PIK3C2G: variants seen among roughly 807,000 people sequenced by gnomAD.
PIK3C2G encodes the protein phosphatidylinositol-4-phosphate 3-kinase catalytic subunit type 2 gamma.
Under a neutral mutation model 181.1 loss-of-function variants are expected in PIK3C2G, and 168 were observed. The ratio of observed to expected loss-of-function variants is 0.93; its 90% CI spans 0.82 to 1.05. The LOEUF is 1.05. Ranked by LOEUF, PIK3C2G falls within the 50% of genes least tolerant of loss-of-function variation. PIK3C2G has a pLI of 0.00. For missense variants in PIK3C2G, 1,869 were observed against 1,732.8 expected, an observed-to-expected ratio of 1.08 and a Z score of -1.40; for synonymous variants, 573 against 592.2, an observed-to-expected ratio of 0.97 and a Z score of 0.47.
At chr12:18,452,725 A>T (rs555351816) in intron 18 of PIK3C2G, among the ~76,000 whole-genome samples, 1 of 152,226 alleles carries the variant, frequency 6.6e-6, no homozygotes, top group Non-Finnish European at 1.5e-5. Context: ...TTCCCTCTAA[A>T]CACTGCTTTA....
intron 32 of PIK3C2G, among the ~76,000 whole-genome samples, chr12:18,642,668 A>T: frequency 6.6e-6 from 1 of 152,188 alleles, no homozygotes; most frequent in Non-Finnish European, 1.5e-5. Flanking sequence ...TTTTTCTTCT[A>T]GTATATCATA....
At chr12:18,480,637 A>G (rs1939467233) in intron 18 of PIK3C2G, among the ~76,000 whole-genome samples, 1 of 152,170 alleles carries the variant, frequency 6.6e-6, no homozygotes, top group Admixed American at 6.5e-5. Flanking sequence ...CAAGTTTGCC[A>G]TTGCCATGAC....
intron 8 of PIK3C2G, among the ~76,000 whole-genome samples, chr12:18,327,409 GA>G (rs1197094073): frequency 6.6e-6 from 1 of 151,766 alleles, no homozygotes; most frequent in Non-Finnish European, 1.5e-5. Context: ...CACATGATTT[GA>G]AAAAACAACA....
At chr12:18,405,015 G>GA (rs1460626010) in intron 16 of PIK3C2G, among the ~76,000 whole-genome samples, 1 of 152,132 alleles carries the variant, frequency 6.6e-6, no homozygotes, top group Non-Finnish European at 1.5e-5. Flanking sequence ...TCAGAGGAAA[G>GA]TAAAAAAGAG....
At chr12:18,273,810 T>C (rs562270921) in intron 1 of PIK3C2G, among the ~76,000 whole-genome samples, 2 of 152,126 alleles carry the variant, frequency 1.3e-5, no homozygotes, top group Non-Finnish European at 2.9e-5. Context: ...AAATGGGATC[T>C]AATTAAACTA....
chr12:18,559,797 T>C (rs1185357031), intron 26 of PIK3C2G, among the ~76,000 whole-genome samples: 6 of 49,702 alleles, frequency 1.2e-4, no homozygotes, highest in African/African-American at 3.6e-4. Context: ...TATATATATA[T>C]ATATATATAT....
At position 18,282,831 on chromosome 12, in the gene PIK3C2G, G is replaced by C. The variant is rs535095134; in HGVS notation, c.678+72G>C. On this transcript the variant is annotated intron_variant, in intron 2 of 32. Transcript: ENST00000538779. ...ATTCAATAATGTATTGGGTTAATTT[G>C]GTAATGAAGATAACTAAACTTAAAT... The C allele has an allele frequency of 5.9e-5, 63 of 1,065,752 alleles. No individual in the cohort carries two copies. In the African/African-American group the frequency reaches 9.2e-4, roughly 16 times the overall value. 66.0% of individuals were successfully genotyped at this position (1,065,752 alleles called of 1,614,324 possible).
At chr12:18,543,278 C>G (rs535403165) in intron 25 of PIK3C2G, among the ~76,000 whole-genome samples, 1 of 151,580 alleles carries the variant, frequency 6.6e-6, no homozygotes, top group Non-Finnish European at 1.5e-5. Flanking sequence ...TTCTTATAGA[C>G]GCTGGGTATT....
chr12:18,551,436 C>G (rs2136291455), intron 26 of PIK3C2G, among the ~76,000 whole-genome samples: 1 of 152,170 alleles, frequency 6.6e-6, no homozygotes, highest in Non-Finnish European at 1.5e-5. Flanking sequence ...TCCCTGCCTA[C>G]CTCCCCTCCC....
intron 24 of PIK3C2G, among the ~76,000 whole-genome samples, chr12:18,511,994 T>G (rs10770368): frequency 0.63 from 95,173 of 151,776 alleles, 30,491 homozygotes; most frequent in East Asian, 0.93. Flanking sequence ...TTTTTTGTGG[T>G]TGATGTAAGC....
chr12:18,303,156 T>TTTC (rs1950271685), intron 5 of PIK3C2G, among the ~76,000 whole-genome samples: 1 of 129,104 alleles, frequency 7.7e-6, no homozygotes, highest in African/African-American at 2.9e-5. Flanking sequence ...TTCTTTCTTC[T>TTTC]TTCTCTTTCT....
At chr12:18,664,109 A>G in the PIK3C2G span, among the ~76,000 whole-genome samples, 27 of 152,208 alleles carry the variant, frequency 1.8e-4, no homozygotes, top group African/African-American at 6.5e-4. Flanking sequence ...AAACAAAGAC[A>G]CACCAGAAAA....
chr12:18,427,325 G>A (rs997276158), intron 18 of PIK3C2G, among the ~76,000 whole-genome samples: 3 of 151,378 alleles, frequency 2.0e-5, no homozygotes, highest in East Asian at 1.9e-4. Context: ...GGCCAACACG[G>A]TGAAACCCCC....
intron 5 of PIK3C2G, among the ~76,000 whole-genome samples, chr12:18,300,457 TC>T (rs112048596): frequency 0.018 from 2,722 of 152,178 alleles, 70 homozygotes; most frequent in African/African-American, 0.061. Context: ...ACTTTTGGTT[TC>T]TGTTTATGCA....
chr12:18,530,547 G>A (rs1943493578), intron 24 of PIK3C2G, among the ~76,000 whole-genome samples: 1 of 152,016 alleles, frequency 6.6e-6, no homozygotes, highest in Non-Finnish European at 1.5e-5. Context: ...ATAACCACTT[G>A]ATCTGGTTTT....
At chr12:18,263,743 T>C (rs1948353807) in intron 1 of PIK3C2G, among the ~76,000 whole-genome samples, 1 of 152,156 alleles carries the variant, frequency 6.6e-6, no homozygotes, top group Admixed American at 6.5e-5. Context: ...TTGCCTGTGA[T>C]ACCTTTTTCG....
intron 32 of PIK3C2G, among the ~76,000 whole-genome samples, chr12:18,645,380 A>C (rs1014558992): frequency 6.6e-6 from 1 of 152,214 alleles, no homozygotes; most frequent in Non-Finnish European, 1.5e-5. Context: ...CAGGTTTATA[A>C]AACTTCAGTC....
At chr12:18,526,185 A>C (rs1943222830) in intron 24 of PIK3C2G, among the ~76,000 whole-genome samples, 1 of 152,174 alleles carries the variant, frequency 6.6e-6, no homozygotes, top group Non-Finnish European at 1.5e-5. Context: ...ATTGTGTCTT[A>C]CTCCAATCAT....
intron 29 of PIK3C2G, among the ~76,000 whole-genome samples, chr12:18,577,922 A>G (rs1482350939): frequency 6.6e-6 from 1 of 152,226 alleles, no homozygotes; most frequent in Non-Finnish European, 1.5e-5. Context: ...TAGCTGCCAC[A>G]TTGAAAATCA....
Sources: allele counts gnomAD v4.1 joint callset (sites outside exome capture counted in the v4.1 genomes callset), GRCh38; gene constraint gnomAD v4.1.1; transcripts MANE v1.5; gene names NCBI Gene and HGNC (gene_info 2026-07-23, HGNC 2026-07-21).